The following RHOBTB3 variants were observed in gnomAD, a reference collection of about 807,000 sequenced individuals.
RHOBTB3 encodes rho-related BTB domain-containing protein 3.
In RHOBTB3, 47 loss-of-function variants were observed where a neutral mutation model predicts 67.2. The ratio of observed to expected loss-of-function variants is 0.70; its 90% CI spans 0.55 to 0.89. The LOEUF (loss-of-function observed/expected upper bound fraction) is 0.89. Ranked by LOEUF, RHOBTB3 falls within the 40% of genes least tolerant of loss-of-function variation. RHOBTB3 has a pLI of 0.00. For synonymous variants in RHOBTB3, 273 were observed against 274.2 expected (o/e 1.00, Z 0.04); for missense variants, 631 against 750.0 (o/e 0.84, Z 1.85).
At chr5:95,730,939 T>C, upstream of RHOBTB3, 1 of 467,924 alleles carries the variant, frequency 2.1e-6, no homozygotes, top group South Asian at 1.5e-5. Flanking sequence ...GGAAATCGGG[T>C]TGCTGGGGCG....
intron 3 of RHOBTB3, among the ~76,000 whole-genome samples, chr5:95,742,962 T>G (rs886761661): frequency 7.2e-5 from 11 of 152,092 alleles, no homozygotes; most frequent in Non-Finnish European, 1.5e-4. Flanking sequence ...TCCCAGCTAC[T>G]CGGGAGGCTG....
intron 1 of RHOBTB3, among the ~76,000 whole-genome samples, chr5:95,722,735 G>A (rs915479394): frequency 2.0e-5 from 3 of 152,078 alleles, no homozygotes; most frequent in African/African-American, 7.2e-5. Context: ...CTCCCACCTC[G>A]GCTTCCCAAA....
At chr5:95,786,707 A>C (rs1746232976) in intron 10 of RHOBTB3, among the ~76,000 whole-genome samples, 1 of 152,060 alleles carries the variant, frequency 6.6e-6, no homozygotes, top group Admixed American at 6.6e-5. Context: ...CTTTCTTGTG[A>C]GTTTATGGGT....
chr5:95,755,763 T>C lies in RHOBTB3; in HGVS notation c.1048+2T>C. ...ACATCCTTCGCTTCATTTATTCAGG[T>C]ATCTTGTCAAGTGGTTCTGGTTACT... On this transcript the variant is annotated splice_donor_variant, in intron 6 of 11. Transcript: ENST00000379982. LOFTEE classifies it high-confidence loss of function. 1 of 1,612,950 alleles carries C rather than the reference T, an allele frequency of 6.2e-7. No individual in the cohort carries two copies. The highest frequency in any genetic ancestry group is 8.5e-7 in the Non-Finnish European group (1 of 1,179,896).
chr5:95,775,816 A>T (rs1745857920), intron 8 of RHOBTB3, among the ~76,000 whole-genome samples: 1 of 152,162 alleles, frequency 6.6e-6, no homozygotes, highest in Admixed American at 6.5e-5. Flanking sequence ...AAAAATTGGG[A>T]AGGAAAATAT....
In RHOBTB3 at chr5:95,783,959, C is replaced by T. The variant is rs1350014861; in HGVS notation, c.1619C>T (p.Ala540Val). ...GATATAGTTGACCTGCTTAAAAAGGCCAAGGTAATTGACTCTGTGTATCTG... is the reference window on the plus strand; with the variant it reads ...GATATAGTTGACCTGCTTAAAAAGGTCAAGGTAATTGACTCTGTGTATCTG... Reference protein sequence around the residue: ...NLDIVDLLKKAKFHHSDCLST... With the variant: ...NLDIVDLLKKVKFHHSDCLST... Residue 540 changes from alanine (A) to valine (V), a missense_variant, in exon 10 of 12, where the codon GCC (alanine) becomes GTC (valine). Transcript: ENST00000379982. The T allele has an allele frequency of 6.2e-7, 1 of 1,609,708 alleles. No individual in the cohort carries two copies. Among genetic ancestry groups the T allele is most frequent in the South Asian group, 1.1e-5 (1 of 90,486 alleles).
At chr5:95,753,730 T>A (rs1275784166) in intron 5 of RHOBTB3, among the ~76,000 whole-genome samples, 2 of 152,172 alleles carry the variant, frequency 1.3e-5, no homozygotes, top group East Asian at 1.9e-4. Context: ...ATGTAGATAG[T>A]TAGTTCTTAG....
At chr5:95,753,155 G>A (rs1276329059) in intron 5 of RHOBTB3, among the ~76,000 whole-genome samples, 1 of 151,618 alleles carries the variant, frequency 6.6e-6, no homozygotes, top group African/African-American at 2.4e-5. Flanking sequence ...AAAAGAAAGT[G>A]TTTTAGAGCC....
At chr5:95,750,349 A>T (rs1451361072) in intron 4 of RHOBTB3, among the ~76,000 whole-genome samples, 1 of 152,228 alleles carries the variant, frequency 6.6e-6, no homozygotes, top group Non-Finnish European at 1.5e-5. Context: ...GGTTGTGCCC[A>T]CCTGGAGCTG....
chr5:95,730,100 G>A (rs1335526290), upstream of RHOBTB3, among the ~76,000 whole-genome samples: 1 of 151,590 alleles, frequency 6.6e-6, no homozygotes, highest in Non-Finnish European at 1.5e-5. Context: ...AAAAAACAGT[G>A]ACCACATAAA....
chr5:95,733,423 A>T (rs902180572), intron 2 of RHOBTB3, among the ~76,000 whole-genome samples: 2 of 152,194 alleles, frequency 1.3e-5, no homozygotes, highest in Non-Finnish European at 2.9e-5. Context: ...TGTAGGGAAA[A>T]TAAAACTAGC....
chr5:95,747,179 G>A (rs559752550), intron 3 of RHOBTB3, among the ~76,000 whole-genome samples: 2 of 152,268 alleles, frequency 1.3e-5, no homozygotes, highest in African/African-American at 2.4e-5. Flanking sequence ...ATTGCTGGTC[G>A]ATTTAGGGAT....
intron 6 of RHOBTB3, among the ~76,000 whole-genome samples, chr5:95,756,369 A>G (rs1745246190): frequency 6.6e-6 from 1 of 152,228 alleles, no homozygotes; most frequent in Admixed American, 6.5e-5. Context: ...AATATTCTGT[A>G]GTACATATAG....
At chr5:95,739,223 C>T (rs1755536387) in intron 3 of RHOBTB3, among the ~76,000 whole-genome samples, 1 of 152,204 alleles carries the variant, frequency 6.6e-6, no homozygotes, top group Non-Finnish European at 1.5e-5. Flanking sequence ...TAGACCCAGC[C>T]CGATTCCGCA....
At chr5:95,727,510 T>C (rs962496110), upstream of RHOBTB3, among the ~76,000 whole-genome samples, 2 of 152,184 alleles carry the variant, frequency 1.3e-5, no homozygotes, top group Admixed American at 6.5e-5. Context: ...ATAGAGTAAA[T>C]ATGAAATGGT....
intron 1 of RHOBTB3, among the ~76,000 whole-genome samples, chr5:95,721,572 T>C (rs961341165): frequency 1.3e-5 from 2 of 151,964 alleles, no homozygotes; most frequent in African/African-American, 4.8e-5. Flanking sequence ...CAAATGCATA[T>C]GTTTTAATTT....
At chr5:95,769,917 C>A in intron 8 of RHOBTB3, 1 of 366,590 alleles carries the variant, frequency 2.7e-6, no homozygotes, top group Non-Finnish European at 5.3e-6. Flanking sequence ...AAAAGCTGGT[C>A]CTCAGGTTAT....
chr5:95,786,277 A>T (rs1328626175), intron 10 of RHOBTB3, among the ~76,000 whole-genome samples: 1 of 152,206 alleles, frequency 6.6e-6, no homozygotes, highest in Non-Finnish European at 1.5e-5. Flanking sequence ...TCTGACTTTT[A>T]GGAGTGAAAT....
intron 10 of RHOBTB3, among the ~76,000 whole-genome samples, chr5:95,786,854 C>T (rs147459818): frequency 4.6e-5 from 7 of 152,226 alleles, no homozygotes; most frequent in African/African-American, 1.7e-4. Flanking sequence ...CTTCTAAAAC[C>T]TAGTTTTTAC....
Sources: allele counts gnomAD v4.1 joint callset (sites outside exome capture counted in the v4.1 genomes callset), GRCh38; gene constraint gnomAD v4.1.1; transcripts MANE v1.5; gene names NCBI Gene and HGNC (gene_info 2026-07-23, HGNC 2026-07-21).